Variants in MGAT4A observed in about 807,000 individuals in gnomAD.
The protein encoded by MGAT4A is alpha-1,3-mannosyl-glycoprotein 4-beta-N-acetylglucosaminyltransferase A, also known as N-acetylglucosaminyltransferase IVa.
Under a neutral mutation model 74.1 loss-of-function variants are expected in MGAT4A, and 33 were observed. The ratio of observed to expected loss-of-function variants is 0.45; its 90% CI spans 0.34 to 0.60. The LOEUF (loss-of-function observed/expected upper bound fraction) is 0.60, where lower values mean the gene tolerates loss of function less well. MGAT4A is among the 20% of genes least tolerant of loss of function. The pLI, the probability that MGAT4A is intolerant of heterozygous loss-of-function variation, is 0.02. For synonymous variants in MGAT4A, 198 were observed against 210.4 expected, an observed-to-expected ratio of 0.94 and a Z score of 0.51; for missense variants, 479 against 628.3, an observed-to-expected ratio of 0.76 and a Z score of 2.54.
At chr2:98,705,784 A>G (rs1342268109) in intron 2 of MGAT4A, among the ~76,000 whole-genome samples, 1 of 151,934 alleles carries the variant, frequency 6.6e-6, no homozygotes, top group Non-Finnish European at 1.5e-5. Flanking sequence ...TCTACTAAAA[A>G]TACAAAAAAT....
At chr2:98,662,986 TAG>T in intron 5 of MGAT4A, 58 bp downstream of exon 5, 1 of 1,247,010 alleles carries the variant, frequency 8.0e-7, no homozygotes, top group African/African-American at 1.5e-5. Context: ...AATATTCAAT[TAG>T]AGTTTCAACT....
At chr2:98,700,126 T>C (rs576904598) in intron 2 of MGAT4A, among the ~76,000 whole-genome samples, 1 of 152,240 alleles carries the variant, frequency 6.6e-6, no homozygotes, top group Non-Finnish European at 1.5e-5. Context: ...TTACCTGGAA[T>C]GGTCCTGCAC....
Position 98,726,290 on chromosome 2 carries a change from T to C in MGAT4A, c.43A>G (p.Ile15Val). 1.9e-6 allele frequency: 3 copies of C among 1,614,166 alleles called. No homozygotes were observed. The highest frequency in any genetic ancestry group is 2.5e-6 in the Non-Finnish European group (3 of 1,179,984). ...NGTVATALAFITSFLTLSWYT... is the reference protein window; with the variant it reads ...NGTVATALAFVTSFLTLSWYT... ...CAAGACAAAGTAAGGAAGGAAGTGA[T>C]AAATGCTAAAGCAGTGGCTACAGTT... Residue 15 changes from isoleucine (I) to valine (V), a missense_variant, in exon 2 of 16, where the codon ATC becomes GTC. Transcript: ENST00000393487.
intron 2 of MGAT4A, 57 bp downstream of exon 2, chr2:98,726,182 T>C: frequency 2.1e-6 from 3 of 1,433,854 alleles, no homozygotes; most frequent in Non-Finnish European, 2.9e-6. Flanking sequence ...TTAGGCACCT[T>C]AACCAAGCAA....
intron 2 of MGAT4A, among the ~76,000 whole-genome samples, chr2:98,689,539 G>C (rs1031523505): frequency 6.6e-6 from 1 of 152,120 alleles, no homozygotes; most frequent in African/African-American, 2.4e-5. Flanking sequence ...TTATAAATAA[G>C]AAGGCTGGGC....
chr2:98,639,706 G>T (rs1173632083), intron 12 of MGAT4A, 102 bp downstream of exon 12: 17 of 1,031,792 alleles, frequency 1.6e-5, no homozygotes, highest in Non-Finnish European at 2.3e-5. Flanking sequence ...GCCCCACTGT[G>T]TCCCCACATC....
In MGAT4A at chr2:98,620,328, C is replaced by G. The variant is rs1478982589; in HGVS notation, c.*5238G>C. 1 of 152,150 alleles carries G rather than the reference C, an allele frequency of 6.6e-6. No individual in the cohort carries two copies. Among genetic ancestry groups the G allele is most frequent in the Non-Finnish European group, 1.5e-5 (1 of 68,036 alleles). 9.4% of individuals were successfully genotyped at this position (152,150 alleles called of 1,614,324 possible). ...ACACACTATAAATACTGCAACATAA[C>G]TTGGAAAAGTTCCTTTTCTATAAAG... On this transcript the variant is annotated 3_prime_UTR_variant, in exon 16 of 16. Coordinates refer to ENST00000393487, the MANE Select transcript of MGAT4A (RefSeq NM_012214.3).
At chr2:98,639,683 C>T in intron 12 of MGAT4A, 125 bp downstream of exon 12, 1 of 694,822 alleles carries the variant, frequency 1.4e-6, no homozygotes, top group South Asian at 2.8e-5. Flanking sequence ...TAATTTAAAG[C>T]CCAACATTTT....
At chr2:98,699,858 C>G (rs947496784) in intron 2 of MGAT4A, among the ~76,000 whole-genome samples, 4 of 152,042 alleles carry the variant, frequency 2.6e-5, no homozygotes, top group Non-Finnish European at 5.9e-5. Flanking sequence ...CGCTTGAACC[C>G]CGAGTATGTG....
At chr2:98,715,923 A>C (rs370645704) in intron 2 of MGAT4A, among the ~76,000 whole-genome samples, 1 of 152,242 alleles carries the variant, frequency 6.6e-6, no homozygotes, top group Non-Finnish European at 1.5e-5. Flanking sequence ...TAACTTTACA[A>C]TGGAAAAGCC....
At chr2:98,663,525 C>T in intron 4 of MGAT4A, 2 of 1,266,866 alleles carry the variant, frequency 1.6e-6, no homozygotes, top group Non-Finnish European at 2.1e-6. Context: ...TATCTCTCGA[C>T]TTCAAGCATG....
At position 98,620,265 on chromosome 2, in the gene MGAT4A, A is replaced by T. The variant is rs1300313692; in HGVS notation, c.*5301T>A. On this transcript the variant is annotated 3_prime_UTR_variant, in exon 16 of 16. Coordinates refer to ENST00000393487, the MANE Select transcript of MGAT4A (RefSeq NM_012214.3). ...GTTATCGTAGCATATAAGATTCATA[A>T]TTTAAAATGCACAACTACCAAAGTC... 6.6e-6 allele frequency: 1 copy of T among 152,272 alleles called. No individual in the cohort carries two copies. The highest frequency in any genetic ancestry group is 1.5e-5 in the Non-Finnish European group (1 of 68,050). 9.4% of individuals were successfully genotyped at this position (152,272 alleles called of 1,614,324 possible).
At chr2:98,690,438 C>T (rs970021813) in intron 2 of MGAT4A, among the ~76,000 whole-genome samples, 1 of 152,182 alleles carries the variant, frequency 6.6e-6, no homozygotes, top group Non-Finnish European at 1.5e-5. Flanking sequence ...TCCCTCCCTG[C>T]TGGGTACTGA....
chr2:98,704,230 G>A (rs1702392283), intron 2 of MGAT4A, among the ~76,000 whole-genome samples: 1 of 152,174 alleles, frequency 6.6e-6, no homozygotes, highest in Admixed American at 6.5e-5. Context: ...CAGATCAAAA[G>A]CACTATGCCG....
chr2:98,650,080 A>T (rs1701555683), intron 8 of MGAT4A, among the ~76,000 whole-genome samples: 1 of 152,206 alleles, frequency 6.6e-6, no homozygotes, highest in Admixed American at 6.5e-5. Flanking sequence ...CAATAGAGAT[A>T]GAAACTATAA....
chr2:98,660,430 A>ACGCG (rs1455350322), intron 5 of MGAT4A, among the ~76,000 whole-genome samples: 1 of 49,544 alleles, frequency 2.0e-5, no homozygotes, highest in Non-Finnish European at 4.0e-5. Flanking sequence ...ACACACACAC[A>ACGCG]CACACACACA....
intron 8 of MGAT4A, among the ~76,000 whole-genome samples, chr2:98,650,306 T>C (rs1701558266): frequency 6.6e-6 from 1 of 151,992 alleles, no homozygotes; most frequent in Non-Finnish European, 1.5e-5. Context: ...TGAAACAACA[T>C]ACACATTATG....
At chr2:98,643,452 C>A (rs1701441568) in intron 10 of MGAT4A, among the ~76,000 whole-genome samples, 1 of 152,184 alleles carries the variant, frequency 6.6e-6, no homozygotes, top group Non-Finnish European at 1.5e-5. Context: ...TGAACACTGG[C>A]TTTTTGTAAC....
At chr2:98,644,945 T>G (rs1052770607) in intron 9 of MGAT4A, among the ~76,000 whole-genome samples, 2 of 152,224 alleles carry the variant, frequency 1.3e-5, no homozygotes, top group Non-Finnish European at 2.9e-5. Context: ...ACTTTAAACA[T>G]ATTCTTAAGC....
Sources: gnomAD v4.1 joint callset for allele counts (sites outside exome capture counted in the v4.1 genomes callset) on GRCh38, gnomAD v4.1.1 for gene constraint, MANE v1.5 for transcripts, NCBI Gene and HGNC (gene_info 2026-07-23, HGNC 2026-07-21) for gene names.